The following PTCD2 variants were observed in gnomAD, a reference collection of about 807,000 sequenced individuals.
PTCD2 encodes the protein pentatricopeptide repeat domain 2, also known as pentatricopeptide repeat-containing protein 2, mitochondrial.
In PTCD2, 31 loss-of-function variants were observed where a neutral mutation model predicts 42.6. The observed-to-expected ratio is 0.73, with a 90% CI of 0.55 to 0.98. The LOEUF is 0.98. PTCD2 is among the 50% of genes least tolerant of loss of function. The probability of loss-of-function intolerance (pLI) is 0.00; values close to 1 mark genes in which losing one functional copy is unlikely to be tolerated. For synonymous variants in PTCD2, 183 were observed against 170.9 expected, an observed-to-expected ratio of 1.07 and a Z score of -0.55; for missense variants, 476 against 454.8, an observed-to-expected ratio of 1.05 and a Z score of -0.42.
chr5:72,337,199 G>A (rs1751797516), intron 6 of PTCD2, among the ~76,000 whole-genome samples: 1 of 151,914 alleles, frequency 6.6e-6, no homozygotes, highest in African/African-American at 2.4e-5. Flanking sequence ...TAGGCTTTGG[G>A]GGCCACATAT....
chr5:72,320,564 T>A (rs1377615236), intron 1 of PTCD2, 55 bp downstream of exon 1: 1 of 1,606,720 alleles, frequency 6.2e-7, no homozygotes, highest in East Asian at 2.2e-5. Context: ...GAAGGGAGTG[T>A]TAGATCCCAG....
chr5:72,326,215 T>G (rs1420646705), intron 2 of PTCD2, among the ~76,000 whole-genome samples: 1 of 152,218 alleles, frequency 6.6e-6, no homozygotes, highest in Non-Finnish European at 1.5e-5. Context: ...ACGGTTTGGG[T>G]GTCTGGCTAC....
At position 72,358,826 on chromosome 5, in the gene PTCD2, A is replaced by G. The variant is rs1200407539; in HGVS notation, c.*399A>G. On this transcript the variant is annotated 3_prime_UTR_variant, in exon 10 of 10. Coordinates refer to ENST00000380639, the MANE Select transcript of PTCD2 (RefSeq NM_024754.5). ...TACATCCTTGCTGAATTCAGGAGGT[A>G]TGAAACCCTATTTTACCATGTTAGA... 4.7e-6 allele frequency: 1 copy of G among 212,328 alleles called. No homozygotes were observed. The highest frequency in any genetic ancestry group is 2.3e-5 in the African/African-American group (1 of 43,466). 13.2% of individuals were successfully genotyped at this position (212,328 alleles called of 1,614,324 possible). A position where few individuals can be genotyped will look rare whatever the true frequency, so the allele number is the denominator to read the frequency against.
In PTCD2 at chr5:72,358,304, TTCTTTGGATGCTGTG is replaced by T; in HGVS notation, c.1045_1059del (p.Ser349_Val353del). The stretch of plus-strand genomic sequence containing the variant: ...ACATCACTGGCCAGGTCACCACTGA[TTCTTTGGATGCTGTG>T]CTCTGCCACACCCCCAGGGACAGGA... On this transcript the variant is annotated inframe_deletion, in exon 10 of 10. Transcript: ENST00000380639. 6.2e-7 allele frequency: 1 copy of T among 1,614,044 alleles called. No individual in the cohort carries two copies. Among genetic ancestry groups the T allele is most frequent in the Non-Finnish European group, 8.5e-7 (1 of 1,179,976 alleles).
chr5:72,323,683 T>C (rs1750984570), intron 2 of PTCD2, among the ~76,000 whole-genome samples: 1 of 148,814 alleles, frequency 6.7e-6, no homozygotes, highest in African/African-American at 2.4e-5. Flanking sequence ...ACAGTCTCGC[T>C]CTGTCACCTA....
rs1036932251 is a variant in PTCD2, at chr5:72,335,312, G to A, written c.547+216G>A. On this transcript the variant is annotated intron_variant, in intron 5 of 9. Transcript: ENST00000380639. ...AAAATACAAAAAATTAGCCGGGCGC[G>A]GTGGCGGGCGCCTGTAGTCCCAGCT... 1.1e-4 allele frequency among the ~76,000 whole-genome samples: 17 copies of A among 152,062 alleles called. 1 individual carries two copies. The highest frequency in any genetic ancestry group is 5.9e-4 in the Admixed American group (9 of 15,270).
chr5:72,341,201 T>C (rs552974864), intron 7 of PTCD2, among the ~76,000 whole-genome samples: 1 of 151,908 alleles, frequency 6.6e-6, no homozygotes, highest in African/African-American at 2.4e-5. Flanking sequence ...ATGTTGGCCA[T>C]GCCCAGCTGC....
rs747860948 is a variant in PTCD2, at chr5:72,368,189, A to T, written c.*9762A>T. ...ATGTTCTTATATGCAAAACACCTAG[A>T]TAGATGCAGAGTGTGGGACAAAGAC... On this transcript the variant is annotated 3_prime_UTR_variant, in exon 10 of 10. Coordinates refer to ENST00000380639, the MANE Select transcript of PTCD2 (RefSeq NM_024754.5). 6.6e-6 allele frequency: 1 copy of T among 152,214 alleles called. No homozygotes were observed. Among genetic ancestry groups the T allele is most frequent in the Non-Finnish European group, 1.5e-5 (1 of 68,038 alleles). 9.4% of individuals were successfully genotyped at this position (152,214 alleles called of 1,614,324 possible). A position where few individuals can be genotyped will look rare whatever the true frequency, so the allele number is the denominator to read the frequency against.
rs1326369739 is a variant in PTCD2 at position 72,359,125 on chromosome 5, C to G, written c.*698C>G. ...TGCTGAGTAAGCCAAATTTAAATGA[C>G]TACTGCTTTGTTCATGGGTAAGCCA... On this transcript the variant is annotated 3_prime_UTR_variant, in exon 10 of 10. Transcript: ENST00000380639. 1 of 152,324 alleles carries G rather than the reference C, an allele frequency of 6.6e-6. No individual in the cohort carries two copies. Among genetic ancestry groups the G allele is most frequent in the Non-Finnish European group, 1.5e-5 (1 of 68,194 alleles). 9.4% of individuals were successfully genotyped at this position (152,324 alleles called of 1,614,324 possible). A position where few individuals can be genotyped will look rare whatever the true frequency, so the allele number is the denominator to read the frequency against.
In PTCD2 at chr5:72,366,938, C is replaced by A. The variant is rs1158270200; in HGVS notation, c.*8511C>A. On this transcript the variant is annotated 3_prime_UTR_variant, in exon 10 of 10. Coordinates refer to ENST00000380639, the MANE Select transcript of PTCD2 (RefSeq NM_024754.5). ...GTCTCACTTGGGAAAGGGTTTCCTC[C>A]CAAATTGAGAAGGAAAATCCCCCCA... is the stretch of plus-strand genomic sequence containing the variant. The A allele has an allele frequency of 2.0e-5, 3 of 152,190 alleles. No individual in the cohort carries two copies. The highest frequency in any genetic ancestry group is 7.2e-5 in the African/African-American group (3 of 41,436). 9.4% of individuals were successfully genotyped at this position (152,190 alleles called of 1,614,324 possible). A position where few individuals can be genotyped will look rare whatever the true frequency, so the allele number is the denominator to read the frequency against.
Position 72,320,485 on chromosome 5 carries a change from G to A in PTCD2, c.103G>A (p.Val35Ile), listed in dbSNP as rs1176729628. 1.9e-6 allele frequency: 3 copies of A among 1,614,078 alleles called. No individual in the cohort carries two copies. The South Asian group carries it at 3.3e-5, about 18-fold the overall frequency. ...VYPGVGGSGS[V>I]SCRCPLGAKR... ...TCCTGGGGTGGGAGGCTCCGGCTCT[G>A]TCAGCTGCCGCTGCCCTCTCGGAGG... The change falls in exon 1 of 10, where the codon GTC (valine) becomes ATC (isoleucine). Residue 35 changes from valine (V) to isoleucine (I), a missense_variant. Transcript: ENST00000380639.
In PTCD2 at chr5:72,326,673, G is replaced by C; in HGVS notation, c.282G>C (p.Glu94Asp). ...AGAACAAGCTCATCTTGAAGGGGGA[G>C]TTGATAACCTTACTACATTTGTGTG... ...LTQNKLILKG[E>D]LITLLHLCES... Residue 94 changes from glutamate (E) to aspartate (D), a missense_variant, in exon 3 of 10, where the codon GAG becomes GAC. Coordinates refer to ENST00000380639, the MANE Select transcript of PTCD2 (RefSeq NM_024754.5). The C allele has an allele frequency of 6.2e-7, 1 of 1,614,152 alleles. No individual in the cohort carries two copies. Among genetic ancestry groups the C allele is most frequent in the Non-Finnish European group, 8.5e-7 (1 of 1,179,968 alleles).
At chr5:72,354,382 GAA>G (rs35170727) in intron 9 of PTCD2, among the ~76,000 whole-genome samples, 1 of 29,810 alleles carries the variant, frequency 3.4e-5, no homozygotes, top group Non-Finnish European at 5.5e-5. Context: ...GACTCCATCT[GAA>G]AAAAAAAAAA....
intron 8 of PTCD2, among the ~76,000 whole-genome samples, 181 bp from the exon 9 acceptor site, chr5:72,352,460 C>T (rs1752668916): frequency 6.6e-6 from 1 of 152,274 alleles, no homozygotes; most frequent in Admixed American, 6.5e-5. Flanking sequence ...TTGGAAAGCA[C>T]ATTTTGGCTC....
Position 72,358,227 on chromosome 5 carries a change from A to G in PTCD2, c.967A>G (p.Lys323Glu), listed in dbSNP as rs1263166378. Residue 323 changes from lysine (K) to glutamate (E), a missense_variant, in exon 10 of 10, where the codon AAG becomes GAG. Transcript: ENST00000380639. ...EVLAKVREKV[K>E]DVPALVAKFD... The stretch of plus-strand genomic sequence containing the variant: ...GCTGGCCAAAGTGAGGGAAAAAGTG[A>G]AGGATGTGCCTGCCCTTGTGGCCAA... 6.2e-7 allele frequency: 1 copy of G among 1,614,044 alleles called. No homozygotes were observed. The highest frequency in any genetic ancestry group is 8.5e-7 in the Non-Finnish European group (1 of 1,179,980).
chr5:72,354,349 G>A (rs147452069), intron 9 of PTCD2, among the ~76,000 whole-genome samples: 123 of 118,090 alleles, frequency 1.0e-3, no homozygotes, highest in Admixed American at 1.9e-3. Context: ...GCGCCACTGC[G>A]CTCCAGCCTG....
chr5:72,322,100 C>A, intron 1 of PTCD2, 72 bp from the exon 2 acceptor site: 1 of 768,050 alleles, frequency 1.3e-6, no homozygotes, highest in Non-Finnish European at 2.3e-6. Flanking sequence ...GGTAATCCAG[C>A]TCTATTCATG....
intron 4 of PTCD2, among the ~76,000 whole-genome samples, chr5:72,332,155 C>G (rs1338445395): frequency 1.3e-5 from 2 of 152,128 alleles, no homozygotes; most frequent in African/African-American, 4.8e-5. Flanking sequence ...CCACCAGGTA[C>G]CTTTTTGTAT....
rs1753006915 is a variant in PTCD2 at position 72,358,674 on chromosome 5, G to A, written c.*247G>A. On this transcript the variant is annotated 3_prime_UTR_variant, in exon 10 of 10. Coordinates refer to ENST00000380639, the MANE Select transcript of PTCD2 (RefSeq NM_024754.5). ...CCCTTTTGCATGGCTGAGGATCCTT[G>A]AAGGAACCTGGTCAGTCTCCGGTTC... is the stretch of plus-strand genomic sequence containing the variant. 1.9e-6 allele frequency: 1 copy of A among 526,390 alleles called. No homozygotes were observed. The highest frequency in any genetic ancestry group is 1.9e-5 in the African/African-American group (1 of 52,540). The allele number at this position is 526,390 out of a possible 1,614,324, so 32.6% of individuals were successfully genotyped here.
Sources: allele counts gnomAD v4.1 joint callset (sites outside exome capture counted in the v4.1 genomes callset), GRCh38; gene constraint gnomAD v4.1.1; transcripts MANE v1.5; gene names NCBI Gene and HGNC (gene_info 2026-07-23, HGNC 2026-07-21).